The following CSMD1 variants were observed in gnomAD, a reference collection of about 807,000 sequenced individuals.
CSMD1 encodes CUB and Sushi multiple domains 1.
CSMD1 carries 213 observed loss-of-function variants against 417.5 expected under a neutral mutation model. The ratio of observed to expected loss-of-function variants is 0.51; its 90% confidence interval spans 0.46 to 0.57. The LOEUF (loss-of-function observed/expected upper bound fraction) is 0.57, where lower values mean the gene tolerates loss of function less well. CSMD1 is among the 20% of genes least tolerant of loss of function. The pLI is 0.00. For synonymous variants in CSMD1, 2,862 were observed against 1,736.8 expected (o/e 1.65, Z -16.11); for missense variants, 6,923 against 4,529.7 (o/e 1.53, Z -15.17).
intron 47 of CSMD1, among the ~76,000 whole-genome samples, chr8:3,095,623 C>G (rs976687870): frequency 6.6e-6 from 1 of 152,156 alleles, no homozygotes; most frequent in African/African-American, 2.4e-5. Flanking sequence ...AAAGTGAATA[C>G]AAACACACAT....
At position 4,250,339 on chromosome 8, in the gene CSMD1, G is replaced by C. The variant is rs577501617; in HGVS notation, c.415+169614C>G. ...TTTCCATAGCTGTGCAAGCTATGAA[G>C]ACAGAATGTGTGTCCCCTAATGTGA... On this transcript the variant is annotated intron_variant, in intron 3 of 69. Coordinates refer to ENST00000635120, the MANE Select transcript of CSMD1 (RefSeq NM_033225.6). 5.3e-5 allele frequency among the ~76,000 whole-genome samples: 8 copies of C among 152,268 alleles called. No homozygotes were observed. In the East Asian group the frequency reaches 1.6e-3, roughly 30 times the overall value.
intron 2 of CSMD1, among the ~76,000 whole-genome samples, chr8:4,503,689 C>A (rs941588705): frequency 5.9e-5 from 9 of 152,020 alleles, no homozygotes; most frequent in African/African-American, 2.2e-4. Flanking sequence ...TTAACCTGGA[C>A]TCGTCTAATG....
chr8:3,911,050 G>A (rs1468523751), intron 5 of CSMD1, among the ~76,000 whole-genome samples: 1 of 147,010 alleles, frequency 6.8e-6, no homozygotes, highest in Non-Finnish European at 1.5e-5. Context: ...GGACACTCCA[G>A]AACTCTAGAA....
chr8:4,341,185 G>C (rs1800456840), intron 3 of CSMD1, among the ~76,000 whole-genome samples: 1 of 152,034 alleles, frequency 6.6e-6, no homozygotes, highest in Non-Finnish European at 1.5e-5. Flanking sequence ...TATATTTGGG[G>C]ATTCAAATCT....
chr8:3,740,783 A>G (rs1796761529), intron 6 of CSMD1, among the ~76,000 whole-genome samples: 1 of 152,210 alleles, frequency 6.6e-6, no homozygotes, highest in Non-Finnish European at 1.5e-5. Context: ...ATGAAGAATC[A>G]CTGTGTTTAC....
At chr8:4,447,134 T>C (rs762848730) in intron 2 of CSMD1, among the ~76,000 whole-genome samples, 16 of 152,270 alleles carry the variant, frequency 1.1e-4, no homozygotes, top group Admixed American at 4.6e-4. Flanking sequence ...GCAAATAGAA[T>C]GTTAAAGACA....
chr8:4,712,883 G>A (rs960368526), intron 1 of CSMD1, among the ~76,000 whole-genome samples: 4 of 152,170 alleles, frequency 2.6e-5, no homozygotes, highest in African/African-American at 9.7e-5. Context: ...CCATGCCGAT[G>A]GATGGAAGAA....
chr8:3,779,774 C>T (rs919478054), intron 5 of CSMD1, among the ~76,000 whole-genome samples: 4 of 152,180 alleles, frequency 2.6e-5, no homozygotes, highest in Non-Finnish European at 4.4e-5. Context: ...GGTCCTCATG[C>T]TCCTTCCAGA....
At chr8:4,072,279 G>A (rs1386612301) in intron 3 of CSMD1, among the ~76,000 whole-genome samples, 1 of 152,072 alleles carries the variant, frequency 6.6e-6, no homozygotes, top group African/African-American at 2.4e-5. Context: ...ATCCTGAATT[G>A]CACTTTTACA....
chr8:4,229,222 G>T lies in CSMD1; in HGVS notation c.415+190731C>A, dbSNP rs201245477. On this transcript the variant is annotated intron_variant, in intron 3 of 69. Transcript: ENST00000635120. ...CTGTCAAATACCAAATCAGCACATT[G>T]GCCAATTTGGCTAGTCCTACTCAAA... Among the ~76,000 whole-genome samples the T allele has an allele frequency of 5.3e-5, 8 of 152,192 alleles. No homozygotes were observed. The East Asian group carries it at 1.4e-3, about 26-fold the overall frequency.
intron 5 of CSMD1, among the ~76,000 whole-genome samples, chr8:3,982,148 G>C (rs1358891805): frequency 7.2e-6 from 1 of 139,188 alleles, no homozygotes; most frequent in East Asian, 2.1e-4. Flanking sequence ...ACACAGCGAG[G>C]CTCTATCTCA....
intron 1 of CSMD1, among the ~76,000 whole-genome samples, chr8:4,885,035 T>C (rs1484532061): frequency 6.6e-6 from 1 of 152,114 alleles, no homozygotes; most frequent in East Asian, 1.9e-4. Flanking sequence ...AATATTTTGT[T>C]TTCAGAGTAT....
chr8:4,183,728 C>T (rs778626545), intron 3 of CSMD1, among the ~76,000 whole-genome samples: 6 of 152,138 alleles, frequency 3.9e-5, no homozygotes, highest in Non-Finnish European at 8.8e-5. Flanking sequence ...AATAATATAT[C>T]ATTTTAAAAG....
At chr8:3,516,827 C>T (rs923975422) in intron 10 of CSMD1, among the ~76,000 whole-genome samples, 1 of 152,132 alleles carries the variant, frequency 6.6e-6, no homozygotes, top group Non-Finnish European at 1.5e-5. Context: ...CGCTGAGTAT[C>T]TACCCAGAGG....
chr8:3,967,122 C>G (rs1812727197), intron 5 of CSMD1, among the ~76,000 whole-genome samples: 1 of 152,164 alleles, frequency 6.6e-6, no homozygotes, highest in Admixed American at 6.5e-5. Context: ...GAGAAACGGA[C>G]TAATTTTGTC....
At chr8:3,077,477 C>A (rs1197408168) in intron 49 of CSMD1, among the ~76,000 whole-genome samples, 1 of 152,206 alleles carries the variant, frequency 6.6e-6, no homozygotes, top group African/African-American at 2.4e-5. Context: ...AGCCTCAGAG[C>A]AAAGCACTCA....
intron 2 of CSMD1, among the ~76,000 whole-genome samples, chr8:4,570,775 G>A (rs889426391): frequency 6.6e-6 from 1 of 152,020 alleles, no homozygotes; most frequent in South Asian, 2.1e-4. Flanking sequence ...TCTGTCCTGG[G>A]CTTTTATTGT....
At chr8:3,657,185 C>G (rs925907325) in intron 7 of CSMD1, among the ~76,000 whole-genome samples, 1 of 152,172 alleles carries the variant, frequency 6.6e-6, no homozygotes, top group African/African-American at 2.4e-5. Flanking sequence ...CAGGAAGATG[C>G]TGCAGGATCT....
At chr8:4,117,103 G>A (rs1007024442) in intron 3 of CSMD1, among the ~76,000 whole-genome samples, 1 of 151,598 alleles carries the variant, frequency 6.6e-6, no homozygotes, top group Non-Finnish European at 1.5e-5. Context: ...TCCCCCTTGA[G>A]CTTTGTTTTT....
Sources: allele counts gnomAD v4.1 joint callset (sites outside exome capture counted in the v4.1 genomes callset), GRCh38; gene constraint gnomAD v4.1.1; transcripts MANE v1.5; gene names NCBI Gene and HGNC (gene_info 2026-07-23, HGNC 2026-07-21).